The following KCNQ5 variants were observed in gnomAD, a reference collection of about 807,000 sequenced individuals.
The protein encoded by KCNQ5 is potassium voltage-gated channel subfamily KQT member 5.
In KCNQ5, 30 loss-of-function variants were observed where a neutral mutation model predicts 98.2. That is an observed-to-expected ratio of 0.31 (90% confidence interval 0.23 to 0.41). The LOEUF is 0.41. Ranked by LOEUF, KCNQ5 falls within the 10% of genes least tolerant of loss-of-function variation. KCNQ5 has a pLI of 1.00. For missense variants in KCNQ5, 835 were observed against 1,182.5 expected, an observed-to-expected ratio of 0.71 and a Z score of 4.31; for synonymous variants, 458 against 449.4, an observed-to-expected ratio of 1.02 and a Z score of -0.24.
intron 11 of KCNQ5, among the ~76,000 whole-genome samples, chr6:73,182,601 AC>A (rs1778440535): frequency 6.6e-6 from 1 of 152,154 alleles, no homozygotes; most frequent in African/African-American, 2.4e-5. Flanking sequence ...GAATTGAAAG[AC>A]CTTTTGAATT....
Position 72,922,741 on chromosome 6 carries a change from T to A in KCNQ5, c.399-81167T>A, listed in dbSNP as rs866656396. ...TGTTTTGGCAAATGACTAGATTTCC[T>A]TCTTTTTTAAGGCTTAATAATATTT... On this transcript the variant is annotated intron_variant, in intron 1 of 13. Coordinates refer to ENST00000370398, the MANE Select transcript of KCNQ5 (RefSeq NM_019842.4). 1.6e-4 allele frequency among the ~76,000 whole-genome samples: 24 copies of A among 152,302 alleles called. No homozygotes were observed. The South Asian group carries it at 2.7e-3, about 17-fold the overall frequency.
chr6:72,941,069 T>C (rs948016818), intron 1 of KCNQ5, among the ~76,000 whole-genome samples: 11 of 152,244 alleles, frequency 7.2e-5, no homozygotes, highest in Non-Finnish European at 1.5e-4. Flanking sequence ...TTCCATAAGA[T>C]GGTCATCAGA....
chr6:72,831,647 G>C (rs960540900), intron 1 of KCNQ5, among the ~76,000 whole-genome samples: 1 of 151,652 alleles, frequency 6.6e-6, no homozygotes, highest in Non-Finnish European at 1.5e-5. Context: ...GTTAGTGGGT[G>C]CAGCACACCA....
At chr6:72,680,783 A>G (rs1565076344) in intron 1 of KCNQ5, among the ~76,000 whole-genome samples, 1 of 152,382 alleles carries the variant, frequency 6.6e-6, no homozygotes, top group East Asian at 1.9e-4. Context: ...AAGTATAAAA[A>G]TAACCAAGGT....
chr6:73,173,004 ACT>A (rs976003696), intron 11 of KCNQ5, among the ~76,000 whole-genome samples: 27 of 152,236 alleles, frequency 1.8e-4, no homozygotes, highest in Admixed American at 6.5e-4. Context: ...GACTAAGGAC[ACT>A]CTCTGAATTT....
intron 7 of KCNQ5, among the ~76,000 whole-genome samples, chr6:73,114,987 C>A (rs1385843984): frequency 2.0e-5 from 3 of 152,084 alleles, no homozygotes; most frequent in Non-Finnish European, 2.9e-5. Context: ...AGAGATTTTA[C>A]ATCTTTTTAG....
chr6:73,167,819 G>C (rs1777861018), intron 10 of KCNQ5, among the ~76,000 whole-genome samples: 1 of 152,132 alleles, frequency 6.6e-6, no homozygotes, highest in Non-Finnish European at 1.5e-5. Flanking sequence ...AAAGACCAGA[G>C]GGTAGGAGGG....
In KCNQ5 at chr6:73,196,096, A is replaced by G. The variant is rs35522191; in HGVS notation, c.*682A>G. ...CAAATAATGAAATTCAGGGCCAGTG[A>G]GGCAAATAGACTATCTGACATATTT... On this transcript the variant is annotated 3_prime_UTR_variant, in exon 14 of 14. Coordinates refer to ENST00000370398, the MANE Select transcript of KCNQ5 (RefSeq NM_019842.4). 42,989 of 152,696 alleles carry G rather than the reference A, an allele frequency of 0.28. 6,570 individuals are homozygous for G. Among genetic ancestry groups the G allele is most frequent in the African/African-American group, 0.4 (16,409 of 41,494 alleles). 9.5% of individuals were successfully genotyped at this position (152,696 alleles called of 1,614,324 possible).
At chr6:72,675,233 G>A (rs2154473527) in intron 1 of KCNQ5, among the ~76,000 whole-genome samples, 1 of 152,232 alleles carries the variant, frequency 6.6e-6, no homozygotes, top group East Asian at 1.9e-4. Flanking sequence ...ATCCAAAGCT[G>A]TCTTGAGGAC....
intron 1 of KCNQ5, among the ~76,000 whole-genome samples, chr6:72,670,398 A>G (rs1767039932): frequency 6.6e-6 from 1 of 152,156 alleles, no homozygotes; most frequent in Admixed American, 6.5e-5. Context: ...TTTTTCTAGC[A>G]TGTACCTCCA....
intron 2 of KCNQ5, among the ~76,000 whole-genome samples, chr6:73,029,034 G>GTTGT (rs1025649734): frequency 3.0e-4 from 46 of 152,284 alleles, no homozygotes; most frequent in African/African-American, 1.1e-3. Context: ...CCCATCAGAG[G>GTTGT]TTGTTTGGTA....
intron 1 of KCNQ5, among the ~76,000 whole-genome samples, chr6:72,713,120 G>C (rs79117867): frequency 0.013 from 2,028 of 152,250 alleles, 33 homozygotes; most frequent in African/African-American, 0.042. Flanking sequence ...TTGCAGCTTA[G>C]TCAGAGATGC....
In KCNQ5 at chr6:73,195,956, G is replaced by A. The variant is rs1765777345; in HGVS notation, c.*542G>A. On this transcript the variant is annotated 3_prime_UTR_variant, in exon 14 of 14. Transcript: ENST00000370398. ...CCTATTCAGTCATTTTATTATTAAT[G>A]TAATTTGAATGTCAATTTGTGTGCT... 1.3e-5 allele frequency: 2 copies of A among 154,582 alleles called. No individual in the cohort carries two copies. The highest frequency in any genetic ancestry group is 2.9e-5 in the Non-Finnish European group (2 of 69,290). The allele number at this position is 154,582 out of a possible 1,614,324, so 9.6% of individuals were successfully genotyped here.
intron 5 of KCNQ5, among the ~76,000 whole-genome samples, chr6:73,093,023 A>G (rs1461749354): frequency 9.2e-5 from 14 of 152,144 alleles, no homozygotes. Flanking sequence ...TTCTGCTGTG[A>G]ATCCATCTGG....
At chr6:73,181,207 A>C (rs1778393630) in intron 11 of KCNQ5, among the ~76,000 whole-genome samples, 1 of 152,186 alleles carries the variant, frequency 6.6e-6, no homozygotes, top group Admixed American at 6.5e-5. Flanking sequence ...TGAATCTTTT[A>C]CACCCTCTAG....
chr6:73,156,051 A>C (rs1021929875), intron 10 of KCNQ5, among the ~76,000 whole-genome samples: 1 of 152,160 alleles, frequency 6.6e-6, no homozygotes, highest in African/African-American at 2.4e-5. Flanking sequence ...TCTAAACTCT[A>C]GTTGGATTAA....
intron 1 of KCNQ5, among the ~76,000 whole-genome samples, chr6:72,909,168 A>C (rs1779819525): frequency 6.6e-6 from 1 of 152,222 alleles, no homozygotes; most frequent in Non-Finnish European, 1.5e-5. Flanking sequence ...ACTTGAAAGA[A>C]AAATGTAGGT....
At chr6:73,134,367 C>T (rs1776374233) in intron 10 of KCNQ5, 1 of 156,196 alleles carries the variant, frequency 6.4e-6, no homozygotes, top group Non-Finnish European at 1.4e-5. Context: ...CCCCTGGGAT[C>T]TCTTATACTG....
At chr6:73,021,775 G>T (rs538189504) in intron 2 of KCNQ5, among the ~76,000 whole-genome samples, 1 of 152,256 alleles carries the variant, frequency 6.6e-6, no homozygotes, top group South Asian at 2.1e-4. Context: ...AATTTTAGCA[G>T]TATTAAATTC....
Sources: allele counts gnomAD v4.1 joint callset (sites outside exome capture counted in the v4.1 genomes callset), GRCh38; gene constraint gnomAD v4.1.1; transcripts MANE v1.5; gene names NCBI Gene and HGNC (gene_info 2026-07-23, HGNC 2026-07-21).